Variants in TMCC3 observed in about 807,000 individuals in gnomAD.
TMCC3 encodes the protein transmembrane and coiled-coil domain protein 3.
In TMCC3, 28 loss-of-function variants were observed where a neutral mutation model predicts 40.2. That is an observed-to-expected ratio of 0.70 (90% CI 0.52 to 0.95). The LOEUF (loss-of-function observed/expected upper bound fraction) is 0.95. Among genes scored for constraint, TMCC3 ranks in the 40% least tolerant of loss-of-function variants. The probability of loss-of-function intolerance (pLI) is 0.00; values close to 1 mark genes in which losing one functional copy is unlikely to be tolerated. For synonymous variants in TMCC3, 255 were observed against 248.5 expected, an observed-to-expected ratio of 1.03 and a Z score of -0.25; for missense variants, 554 against 615.2, an observed-to-expected ratio of 0.90 and a Z score of 1.05.
chr12:94,647,045 T>C (rs572639994), intron 1 of TMCC3, among the ~76,000 whole-genome samples: 1 of 152,108 alleles, frequency 6.6e-6, no homozygotes, highest in African/African-American at 2.4e-5. Context: ...AGTTACTGTA[T>C]AGAAAGCAGA....
At chr12:94,591,111 C>A (rs2068672369) in intron 1 of TMCC3, 2 of 471,610 alleles carry the variant, frequency 4.2e-6, no homozygotes, top group South Asian at 1.7e-5. Flanking sequence ...GTTGCCCCTC[C>A]ATTGACAGCT....
chr12:94,621,669 C>G (rs1284554941), intron 1 of TMCC3, among the ~76,000 whole-genome samples: 1 of 152,074 alleles, frequency 6.6e-6, no homozygotes, highest in East Asian at 1.9e-4. Flanking sequence ...GAAATCAAGG[C>G]CCAAGAAGTT....
chr12:94,642,779 C>T lies in TMCC3; in HGVS notation c.78+7574G>A, dbSNP rs140552139. On this transcript the variant is annotated intron_variant, in intron 1 of 3. Transcript: ENST00000261226. Reference sequence around the variant, plus strand: ...TAACCGAGCATTTAGCAGGTGCTGGCACTCAACAGTGCTTTACACGTACTA... The same window carrying T: ...TAACCGAGCATTTAGCAGGTGCTGGTACTCAACAGTGCTTTACACGTACTA... 2.6e-4 allele frequency among the ~76,000 whole-genome samples: 39 copies of T among 152,356 alleles called. 1 individual carries two copies. In the East Asian group the frequency reaches 6.9e-3, roughly 27 times the overall value.
intron 1 of TMCC3, among the ~76,000 whole-genome samples, chr12:94,593,359 TA>T (rs372651534): frequency 0.014 from 628 of 43,576 alleles, 40 homozygotes; most frequent in Admixed American, 0.026. Context: ...AGGCTCCATC[TA>T]AAAAAAAAAA....
At chr12:94,599,781 G>A (rs764465795) in intron 1 of TMCC3, among the ~76,000 whole-genome samples, 23 of 152,094 alleles carry the variant, frequency 1.5e-4, no homozygotes, top group African/African-American at 5.1e-4. Context: ...GATGTCTAAC[G>A]TTTTCCACCT....
intron 1 of TMCC3, among the ~76,000 whole-genome samples, chr12:94,599,248 A>G (rs1490911915): frequency 6.6e-6 from 1 of 152,186 alleles, no homozygotes; most frequent in African/African-American, 2.4e-5. Flanking sequence ...AGTAAGTGCT[A>G]TAAGTGTTGG....
At chr12:94,629,246 A>G (rs1339885136) in intron 1 of TMCC3, among the ~76,000 whole-genome samples, 4 of 152,204 alleles carry the variant, frequency 2.6e-5, no homozygotes, top group African/African-American at 9.6e-5. Context: ...ACAACAAGAG[A>G]CATCCCTGCA....
chr12:94,612,583 A>G (rs1228527466), intron 1 of TMCC3, among the ~76,000 whole-genome samples: 1 of 152,208 alleles, frequency 6.6e-6, no homozygotes, highest in Non-Finnish European at 1.5e-5. Flanking sequence ...TGCTGGGATT[A>G]CAGGCGTGAG....
chr12:94,615,086 G>A (rs2068840453), intron 1 of TMCC3, among the ~76,000 whole-genome samples: 1 of 152,174 alleles, frequency 6.6e-6, no homozygotes, highest in African/African-American at 2.4e-5. Context: ...CTTTGCTACA[G>A]AACTGATTAG....
intron 3 of TMCC3, among the ~76,000 whole-genome samples, chr12:94,576,106 G>T (rs1315731272): frequency 2.0e-5 from 3 of 152,138 alleles, no homozygotes; most frequent in African/African-American, 7.2e-5. Context: ...GTTTAAATGG[G>T]TTCAAGTTTC....
intron 1 of TMCC3, among the ~76,000 whole-genome samples, chr12:94,619,474 C>T (rs960311976): frequency 3.9e-5 from 6 of 152,208 alleles, no homozygotes; most frequent in African/African-American, 1.4e-4. Flanking sequence ...TAGCTCATGT[C>T]ATTCCTCCAG....
At chr12:94,577,465 C>T (rs912242917) in intron 3 of TMCC3, among the ~76,000 whole-genome samples, 5 of 152,060 alleles carry the variant, frequency 3.3e-5, no homozygotes, top group Admixed American at 2.0e-4. Flanking sequence ...TGTGAGCCAC[C>T]GCGCCTGGCC....
intron 1 of TMCC3, among the ~76,000 whole-genome samples, chr12:94,625,360 G>A (rs1182284733): frequency 1.3e-5 from 2 of 151,876 alleles, no homozygotes; most frequent in Admixed American, 1.3e-4. Context: ...GGCTGAGGTA[G>A]GCAGATCACC....
intron 1 of TMCC3, among the ~76,000 whole-genome samples, chr12:94,609,197 C>A (rs2068800772): frequency 6.6e-6 from 1 of 152,024 alleles, no homozygotes; most frequent in Admixed American, 6.6e-5. Context: ...CACTACACAC[C>A]AGCCTGGGTG....
chr12:94,590,914 A>G (rs1321517384), intron 1 of TMCC3: 3 of 585,874 alleles, frequency 5.1e-6, no homozygotes, highest in Admixed American at 1.9e-5. Context: ...AGTTTATGTG[A>G]AAATGAGAAA....
At chr12:94,584,539 G>A (rs930811001) in intron 1 of TMCC3, among the ~76,000 whole-genome samples, 8 of 151,878 alleles carry the variant, frequency 5.3e-5, no homozygotes, top group South Asian at 2.1e-4. Flanking sequence ...ATCCAACAAC[G>A]GGTATTAACA....
At chr12:94,602,942 C>A (rs754514006) in intron 1 of TMCC3, among the ~76,000 whole-genome samples, 29 of 152,152 alleles carry the variant, frequency 1.9e-4, no homozygotes, top group Non-Finnish European at 3.7e-4. Flanking sequence ...CTCTAAGGGC[C>A]TTGCAGCTCT....
chr12:94,618,727 C>A (rs1311792984), intron 1 of TMCC3, among the ~76,000 whole-genome samples: 2 of 152,200 alleles, frequency 1.3e-5, no homozygotes, highest in Admixed American at 1.3e-4. Context: ...TGTTTCTGAA[C>A]TCTGGGTGGT....
intron 1 of TMCC3, among the ~76,000 whole-genome samples, chr12:94,619,717 A>C (rs2068865211): frequency 6.6e-6 from 1 of 152,272 alleles, no homozygotes; most frequent in Non-Finnish European, 1.5e-5. Context: ...AAAAATGTAC[A>C]CAAGTTTTCA....
Sources: allele counts gnomAD v4.1 joint callset (sites outside exome capture counted in the v4.1 genomes callset), GRCh38; gene constraint gnomAD v4.1.1; transcripts MANE v1.5; gene names NCBI Gene and HGNC (gene_info 2026-07-23, HGNC 2026-07-21).